Variants in MBTD1 observed in about 807,000 individuals in gnomAD.
The protein encoded by MBTD1 is MBT domain-containing protein 1.
In MBTD1, 24 loss-of-function variants were observed where a neutral mutation model predicts 87.8. The ratio of observed to expected loss-of-function variants is 0.27; its 90% CI spans 0.20 to 0.38. MBTD1 has a LOEUF of 0.38. Ranked by LOEUF, MBTD1 falls within the 10% of genes least tolerant of loss-of-function variation. MBTD1 has a pLI of 1.00. For missense variants in MBTD1, 436 were observed against 760.2 expected (o/e 0.57, Z 5.02); for synonymous variants, 237 against 248.6 (o/e 0.95, Z 0.44).
chr17:51,214,333 C>T (rs2052445268), intron 6 of MBTD1, among the ~76,000 whole-genome samples: 1 of 151,916 alleles, frequency 6.6e-6, no homozygotes, highest in Non-Finnish European at 1.5e-5. Flanking sequence ...AAAAATTGTC[C>T]AATACTGTTG....
chr17:51,259,789 T>C, intron 1 of MBTD1, 46 bp downstream of exon 1: 3 of 1,231,014 alleles, frequency 2.4e-6, no homozygotes, highest in Non-Finnish European at 3.0e-6. Flanking sequence ...GCTGCAGGCG[T>C]CCCCCCCACC....
intron 2 of MBTD1, among the ~76,000 whole-genome samples, chr17:51,255,336 T>A (rs1023565384): frequency 6.6e-6 from 1 of 152,076 alleles, no homozygotes; most frequent in African/African-American, 2.4e-5. Flanking sequence ...ATCATATTGA[T>A]CTGATATAAC....
intron 16 of MBTD1, 69 bp downstream of exon 16, chr17:51,192,134 T>A (rs572716570): frequency 1.7e-5 from 19 of 1,099,232 alleles, no homozygotes; most frequent in Middle Eastern, 4.4e-4. Flanking sequence ...TCATTTTCTG[T>A]CCAAGAATAC....
intron 6 of MBTD1, among the ~76,000 whole-genome samples, chr17:51,210,961 A>T (rs142591755): frequency 6.6e-6 from 1 of 151,638 alleles, no homozygotes; most frequent in Non-Finnish European, 1.5e-5. Context: ...ACAAGGTGAA[A>T]CCCTGTCTCT....
Position 51,179,488 on chromosome 17 carries a change from A to ATATATATATATATATATATATATT in MBTD1, c.*1087_*1088insAATATATATATATATATATATATA, listed in dbSNP as rs2050207712. 2 of 18,464 alleles carry ATATATATATATATATATATATATT rather than the reference A, an allele frequency of 1.1e-4. No homozygotes were observed. Among genetic ancestry groups the ATATATATATATATATATATATATT allele is most frequent in the Admixed American group, 6.3e-4 (1 of 1,596 alleles). 1.1% of individuals were successfully genotyped at this position (18,464 alleles called of 1,614,324 possible). On this transcript the variant is annotated 3_prime_UTR_variant, in exon 17 of 17. Coordinates refer to ENST00000586178, the MANE Select transcript of MBTD1 (RefSeq NM_017643.3). ...TGAATACAATTAAAGACAATTTTAT[A>ATATATATATATATATATATATATT]TATATATATATATATATATATATAT...
At chr17:51,240,203 A>T (rs2054086347) in intron 2 of MBTD1, among the ~76,000 whole-genome samples, 1 of 152,172 alleles carries the variant, frequency 6.6e-6, no homozygotes, top group Non-Finnish European at 1.5e-5. Context: ...TAGAGTTCCC[A>T]TATGGCCCAG....
Position 51,202,923 on chromosome 17 carries a change from T to C in MBTD1, c.841A>G (p.Met281Val), listed in dbSNP as rs750290421. The C allele has an allele frequency of 1.2e-5, 20 of 1,612,718 alleles. No homozygotes were observed. In the African/African-American group the frequency reaches 1.5e-4, roughly 12 times the overall value. The change falls in exon 10 of 17, where the codon ATG becomes GTG. Residue 281 changes from methionine (M) to valine (V), a missense_variant. Coordinates refer to ENST00000586178, the MANE Select transcript of MBTD1 (RefSeq NM_017643.3). The part of the protein sequence containing the change: ...PDFSQKVSES[M>V]QYPFKPCMRV... Reference sequence around the variant, plus strand: ...ATGCAAGGTTTGAAAGGATACTGCATACTCTCTGAAACCTTAAAAGCATAC... The same window carrying C: ...ATGCAAGGTTTGAAAGGATACTGCACACTCTCTGAAACCTTAAAAGCATAC...
chr17:51,242,990 T>A (rs1246867032), intron 2 of MBTD1, among the ~76,000 whole-genome samples: 1 of 152,226 alleles, frequency 6.6e-6, no homozygotes, highest in Non-Finnish European at 1.5e-5. Flanking sequence ...CGTTTCAACA[T>A]TTAGTTTTCA....
intron 9 of MBTD1, 80 bp downstream of exon 9, chr17:51,203,060 T>C: frequency 4.6e-6 from 6 of 1,316,116 alleles, no homozygotes; most frequent in Non-Finnish European, 6.5e-6. Flanking sequence ...GTTCACAAAA[T>C]TAAACCAATT....
At chr17:51,217,542 T>C (rs887914457) in intron 5 of MBTD1, 126 bp from the exon 6 acceptor site, 4 of 535,820 alleles carry the variant, frequency 7.5e-6, no homozygotes, top group African/African-American at 2.0e-5. Context: ...GTTTTCTTTA[T>C]GTAAAGATCA....
At position 51,202,863 on chromosome 17, in the gene MBTD1, G is replaced by A; in HGVS notation, c.901C>T (p.Arg301Ter). ...VEVVDKRHLC[R>*]TRVAVVESVI... ...CTTTCCACCACTGCTACTCGTGTTC[G>A]ACACAAATGCCTCTTGTCAACCACT... Residue 301 changes from arginine (R) to a stop codon, truncating the protein, a stop_gained, in exon 10 of 17, where the codon CGA becomes TGA. Transcript: ENST00000586178. LOFTEE classifies it high-confidence loss of function. 6.2e-7 allele frequency: 1 copy of A among 1,614,038 alleles called. No homozygotes were observed. The highest frequency in any genetic ancestry group is 8.5e-7 in the Non-Finnish European group (1 of 1,179,994).
chr17:51,217,044 A>C (rs1179961311), intron 6 of MBTD1, among the ~76,000 whole-genome samples: 1 of 152,154 alleles, frequency 6.6e-6, no homozygotes, highest in Non-Finnish European at 1.5e-5. Flanking sequence ...TTACAAAAAA[A>C]TTTAAAAAAT....
In MBTD1 at chr17:51,248,147, T is replaced by C. The variant is rs535087014; in HGVS notation, c.-49+10996A>G. Among the ~76,000 whole-genome samples, 5 of 152,362 alleles carry C rather than the reference T, an allele frequency of 3.3e-5. No individual in the cohort carries two copies. The South Asian group carries it at 8.3e-4, about 25-fold the overall frequency. On this transcript the variant is annotated intron_variant, in intron 2 of 16. Coordinates refer to ENST00000586178, the MANE Select transcript of MBTD1 (RefSeq NM_017643.3). ...CTTGGTTAAATTAGCTAGTGATTCA[T>C]CTATTATGTGACTCTTCCCTCAAGG...
chr17:51,204,439 G>A (rs181561004), intron 7 of MBTD1, among the ~76,000 whole-genome samples: 29 of 141,408 alleles, frequency 2.1e-4, no homozygotes, highest in Non-Finnish European at 3.1e-4. Flanking sequence ...ACATATTTAT[G>A]TATAAGCATA....
intron 2 of MBTD1, among the ~76,000 whole-genome samples, chr17:51,231,872 A>T (rs2286760): frequency 3.4e-5 from 5 of 146,096 alleles, no homozygotes; most frequent in African/African-American, 7.6e-5. Context: ...TTTTTTTTTT[A>T]TATATACATT....
At chr17:51,255,192 A>T (rs1167806141) in intron 2 of MBTD1, among the ~76,000 whole-genome samples, 2 of 152,148 alleles carry the variant, frequency 1.3e-5, no homozygotes, top group Non-Finnish European at 2.9e-5. Flanking sequence ...GAGGCAGAAG[A>T]ATCACTTGAA....
At chr17:51,199,019 C>T (rs2051304454) in intron 12 of MBTD1, among the ~76,000 whole-genome samples, 1 of 152,140 alleles carries the variant, frequency 6.6e-6, no homozygotes, top group Admixed American at 6.5e-5. Flanking sequence ...TGGTCTTGAA[C>T]TCCTGACCTC....
At chr17:51,190,750 A>AAATATATAT (rs1555677185) in intron 16 of MBTD1, among the ~76,000 whole-genome samples, 1 of 39,714 alleles carries the variant, frequency 2.5e-5, no homozygotes, top group African/African-American at 1.5e-4. Flanking sequence ...AAAAAAAAAA[A>AAATATATAT]ATATATATAT....
intron 16 of MBTD1, among the ~76,000 whole-genome samples, chr17:51,188,930 G>A (rs2050674134): frequency 6.6e-6 from 1 of 151,812 alleles, no homozygotes. Flanking sequence ...GGCTAATTTT[G>A]CATTTTTAGT....
Sources: allele counts gnomAD v4.1 joint callset (sites outside exome capture counted in the v4.1 genomes callset), GRCh38; gene constraint gnomAD v4.1.1; transcripts MANE v1.5; gene names NCBI Gene and HGNC (gene_info 2026-07-23, HGNC 2026-07-21).